The following SLC2A13 variants were observed in gnomAD, a reference collection of about 807,000 sequenced individuals.
SLC2A13 encodes the protein proton myo-inositol cotransporter.
In SLC2A13, 32 loss-of-function variants were observed where a neutral mutation model predicts 64.4. The observed-to-expected ratio is 0.50, with a 90% CI of 0.37 to 0.67. The LOEUF (loss-of-function observed/expected upper bound fraction) is 0.67. Among genes scored for constraint, SLC2A13 ranks in the 30% least tolerant of loss-of-function variants. The pLI, the probability that SLC2A13 is intolerant of heterozygous loss-of-function variation, is 0.00. For synonymous variants in SLC2A13, 338 were observed against 327.1 expected (o/e 1.03, Z -0.36); for missense variants, 743 against 829.2 (o/e 0.90, Z 1.28).
At chr12:39,808,913 T>C (rs1247779261) in intron 7 of SLC2A13, among the ~76,000 whole-genome samples, 3 of 152,150 alleles carry the variant, frequency 2.0e-5, no homozygotes, top group Non-Finnish European at 4.4e-5. Flanking sequence ...ACAATTTTAA[T>C]TTTAATGAAC....
Position 39,755,137 on chromosome 12 carries a change from ATAACT to A in SLC2A13, c.*4884_*4888del, listed in dbSNP as rs745584048. On this transcript the variant is annotated 3_prime_UTR_variant, in exon 10 of 10. Transcript: ENST00000280871. ...TATGTAAAGATTGAACTTCAATAAA[ATAACT>A]TAAAAAACATTTACATGTATATCAC... 6.6e-6 allele frequency: 1 copy of A among 152,068 alleles called. No homozygotes were observed. The highest frequency in any genetic ancestry group is 2.4e-5 in the African/African-American group (1 of 41,450). 9.4% of individuals were successfully genotyped at this position (152,068 alleles called of 1,614,324 possible). A position where few individuals can be genotyped will look rare whatever the true frequency, so the allele number is the denominator to read the frequency against.
rs548331741 is a variant in SLC2A13, at chr12:40,073,979, A to AT, written c.557-25770dup. ...TCTTCTTTTCCTTTCTCTCTTCCTGATATTTCTTTTATATGTATGTTACAC... is the reference window on the plus strand; with the variant it reads ...TCTTCTTTTCCTTTCTCTCTTCCTGATTATTTCTTTTATATGTATGTTACAC... On this transcript the variant is annotated intron_variant, in intron 1 of 9. Coordinates refer to ENST00000280871, the MANE Select transcript of SLC2A13 (RefSeq NM_052885.4). 8.4e-4 allele frequency among the ~76,000 whole-genome samples: 127 copies of AT among 151,544 alleles called. 2 individuals carry two copies. The East Asian group carries it at 0.018, about 22-fold the overall frequency.
chr12:39,783,018 C>T (rs149753555), intron 7 of SLC2A13, among the ~76,000 whole-genome samples: 2,286 of 152,224 alleles, frequency 0.015, 25 homozygotes, highest in Non-Finnish European at 0.027. Flanking sequence ...TATCCCTCCC[C>T]GCTCCCCCCA....
intron 3 of SLC2A13, among the ~76,000 whole-genome samples, chr12:40,019,143 AC>A (rs750532320): frequency 1.3e-5 from 2 of 152,164 alleles, no homozygotes; most frequent in African/African-American, 2.4e-5. Flanking sequence ...CAGAGACCTC[AC>A]CCAGGCAATG....
chr12:39,912,804 T>C (rs1444610814), intron 4 of SLC2A13, among the ~76,000 whole-genome samples: 1 of 152,088 alleles, frequency 6.6e-6, no homozygotes, highest in Admixed American at 6.5e-5. Context: ...GTGTCTTGTG[T>C]AAACGTTAGT....
Position 40,105,665 on chromosome 12 carries a change from G to A in SLC2A13, c.144C>T (p.Ser48=). 6.7e-7 allele frequency: 1 copy of A among 1,491,954 alleles called. No homozygotes were observed. The highest frequency in any genetic ancestry group is 8.9e-7 in the Non-Finnish European group (1 of 1,122,976). The allele number at this position is 1,491,954 out of a possible 1,614,324, so 92.4% of individuals were successfully genotyped here. ...CCGCGCCCGCGCTCTGCAGGCTGGT[G>A]CTCGATTCGGCGGCAGCCAGGAGGC... is the stretch of plus-strand genomic sequence containing the variant. The part of the protein sequence containing the change: ...ECSLLAAAES[S]TSLQSAGAGG... The change falls in exon 1 of 10, where the codon AGC becomes AGT. Residue 48 remains serine (S), a synonymous_variant. Transcript: ENST00000280871. This position sits in a 1 kb window ranked among gnomAD's most constrained non-coding sequence, Gnocchi z 4.2.
At chr12:39,911,339 A>G (rs548590868) in intron 4 of SLC2A13, among the ~76,000 whole-genome samples, 10 of 152,100 alleles carry the variant, frequency 6.6e-5, no homozygotes, top group Admixed American at 2.0e-4. Flanking sequence ...ACTTAAGACT[A>G]TTTTAAGTTC....
At chr12:39,776,720 G>C (rs1940792978) in intron 7 of SLC2A13, among the ~76,000 whole-genome samples, 1 of 96,566 alleles carries the variant, frequency 1.0e-5, no homozygotes, top group South Asian at 4.5e-4. Flanking sequence ...GGGATGGGTG[G>C]AGTTGAGACA....
chr12:39,773,984 A>G (rs1403906402), intron 7 of SLC2A13, among the ~76,000 whole-genome samples: 1 of 152,232 alleles, frequency 6.6e-6, no homozygotes, highest in African/African-American at 2.4e-5. Flanking sequence ...CCAGTTCCTG[A>G]CGCAGGACTG....
intron 4 of SLC2A13, among the ~76,000 whole-genome samples, chr12:39,879,566 A>C (rs111478768): frequency 0.037 from 5,640 of 152,294 alleles, 170 homozygotes; most frequent in South Asian, 0.085. Context: ...GCTGGGTTTC[A>C]AACTTGCATG....
chr12:39,896,504 ATG>A (rs1387418329), intron 4 of SLC2A13, among the ~76,000 whole-genome samples: 5 of 146,868 alleles, frequency 3.4e-5, no homozygotes, highest in Non-Finnish European at 6.0e-5. Context: ...ACATATATGT[ATG>A]TACATGTGTG....
At chr12:40,016,484 C>A (rs899232006) in intron 3 of SLC2A13, among the ~76,000 whole-genome samples, 1 of 152,180 alleles carries the variant, frequency 6.6e-6, no homozygotes, top group African/African-American at 2.4e-5. Context: ...AATTTCACAT[C>A]TAAGATTCTG....
intron 1 of SLC2A13, among the ~76,000 whole-genome samples, chr12:40,067,557 A>G (rs1592054634): frequency 6.6e-6 from 1 of 152,190 alleles, no homozygotes; most frequent in East Asian, 1.9e-4. Flanking sequence ...TTTTATTTAT[A>G]CAGACATGCT....
intron 2 of SLC2A13, among the ~76,000 whole-genome samples, chr12:40,029,197 T>C (rs1218308355): frequency 6.6e-6 from 1 of 152,138 alleles, no homozygotes; most frequent in East Asian, 1.9e-4. Context: ...CAAACAACAA[T>C]ATCATTTTAA....
At chr12:39,966,234 T>C (rs1270566956) in intron 3 of SLC2A13, among the ~76,000 whole-genome samples, 1 of 151,928 alleles carries the variant, frequency 6.6e-6, no homozygotes, top group Non-Finnish European at 1.5e-5. Context: ...AGAGGTTTTG[T>C]AGTTACAATG....
intron 1 of SLC2A13, among the ~76,000 whole-genome samples, chr12:40,088,442 T>A (rs1290190684): frequency 1.6e-4 from 24 of 152,138 alleles, no homozygotes; most frequent in Admixed American, 1.6e-3. Context: ...CAAAAGACCT[T>A]TTTTTTACTT....
At chr12:40,086,185 T>C (rs1300741242) in intron 1 of SLC2A13, among the ~76,000 whole-genome samples, 1 of 152,078 alleles carries the variant, frequency 6.6e-6, no homozygotes, top group Non-Finnish European at 1.5e-5. Context: ...ACTTCTGAAG[T>C]GATGGCACCT....
At chr12:40,066,615 T>A (rs924270035) in intron 1 of SLC2A13, among the ~76,000 whole-genome samples, 16 of 152,086 alleles carry the variant, frequency 1.1e-4, no homozygotes, top group African/African-American at 3.9e-4. Context: ...AGGAACTGAG[T>A]GATGTAGCTG....
chr12:40,073,589 A>G lies in SLC2A13; in HGVS notation c.557-25379T>C, dbSNP rs930309521. 3.3e-5 allele frequency among the ~76,000 whole-genome samples: 5 copies of G among 151,942 alleles called. No homozygotes were observed. In the East Asian group the frequency reaches 9.6e-4, roughly 29 times the overall value. ...TGCATGGCAAGTCTACTGGCAACAAATTTCCTTTGTTTAAGCAATTTTCTA... is the reference window on the plus strand; with the variant it reads ...TGCATGGCAAGTCTACTGGCAACAAGTTTCCTTTGTTTAAGCAATTTTCTA... On this transcript the variant is annotated intron_variant, in intron 1 of 9. Transcript: ENST00000280871.
Sources: allele counts gnomAD v4.1 joint callset (sites outside exome capture counted in the v4.1 genomes callset), GRCh38; gene constraint gnomAD v4.1.1; non-coding constraint Gnocchi (gnomAD v3.1); transcripts MANE v1.5; gene names NCBI Gene and HGNC (gene_info 2026-07-23, HGNC 2026-07-21).